The following GRID2 variants were observed in gnomAD, a reference collection of about 807,000 sequenced individuals.
The protein encoded by GRID2 is glutamate receptor ionotropic, delta-2.
Under a neutral mutation model 114.8 loss-of-function variants are expected in GRID2, and 33 were observed. The observed-to-expected ratio is 0.29, with a 90% CI of 0.22 to 0.38. The LOEUF (loss-of-function observed/expected upper bound fraction) is 0.38, where lower values mean the gene tolerates loss of function less well. Among genes scored for constraint, GRID2 ranks in the 10% least tolerant of loss-of-function variants. The probability of loss-of-function intolerance (pLI) is 1.00; values close to 1 mark genes in which losing one functional copy is unlikely to be tolerated. For missense variants in GRID2, 1,184 were observed against 1,257.7 expected (o/e 0.94, Z 0.89); for synonymous variants, 505 against 449.9 (o/e 1.12, Z -1.55).
intron 2 of GRID2, among the ~76,000 whole-genome samples, chr4:92,929,515 C>T (rs533889477): frequency 6.6e-6 from 1 of 151,340 alleles, no homozygotes; most frequent in African/African-American, 2.4e-5. Flanking sequence ...GCATTTTTCG[C>T]ACCACAGAGT....
At chr4:92,651,471 C>A (rs946355650) in intron 2 of GRID2, among the ~76,000 whole-genome samples, 4 of 152,056 alleles carry the variant, frequency 2.6e-5, no homozygotes, top group Admixed American at 1.3e-4. Context: ...GGGAAAGAGA[C>A]TGACTGGTAT....
chr4:93,507,628 A>C (rs1176766933), intron 12 of GRID2, among the ~76,000 whole-genome samples: 2 of 152,174 alleles, frequency 1.3e-5, no homozygotes, highest in East Asian at 3.9e-4. Flanking sequence ...GTTTGCTTCC[A>C]ATATTTCAGT....
intron 4 of GRID2, among the ~76,000 whole-genome samples, chr4:93,157,182 T>A (rs1029423852): frequency 1.3e-5 from 2 of 151,708 alleles, no homozygotes; most frequent in Non-Finnish European, 3.0e-5. Context: ...ACCTTAAGCC[T>A]ATCTACTCAA....
intron 1 of GRID2, among the ~76,000 whole-genome samples, chr4:92,408,382 C>T (rs1192365668): frequency 1.5e-5 from 2 of 130,704 alleles, no homozygotes; most frequent in Non-Finnish European, 3.2e-5. Context: ...AATGTGATGC[C>T]TTTGGCTTTG....
chr4:93,080,972 A>G (rs529350490), intron 2 of GRID2, among the ~76,000 whole-genome samples: 28 of 152,180 alleles, frequency 1.8e-4, no homozygotes, highest in Non-Finnish European at 3.1e-4. Flanking sequence ...TTTGATAAGG[A>G]GCCCACTCTT....
chr4:93,239,306 CAT>C (rs1214242763), intron 8 of GRID2, among the ~76,000 whole-genome samples: 1 of 149,504 alleles, frequency 6.7e-6, no homozygotes, highest in Non-Finnish European at 1.5e-5. Context: ...TATACACACA[CAT>C]ATATATATGA....
At chr4:92,794,874 TTATATATATATATATA>T (rs34559735) in intron 2 of GRID2, among the ~76,000 whole-genome samples, 5 of 106,052 alleles carry the variant, frequency 4.7e-5, no homozygotes, top group Non-Finnish European at 9.0e-5. Context: ...AATAATTGTT[TTATATATATATATATA>T]TATATATATA....
At chr4:92,865,097 C>T (rs561001932) in intron 2 of GRID2, among the ~76,000 whole-genome samples, 3 of 152,058 alleles carry the variant, frequency 2.0e-5, no homozygotes, top group East Asian at 3.9e-4. Flanking sequence ...TGTCTTAACT[C>T]GAGTGAGGTT....
intron 1 of GRID2, among the ~76,000 whole-genome samples, chr4:92,309,225 T>G (rs1184699477): frequency 1.3e-5 from 2 of 152,052 alleles, no homozygotes; most frequent in Non-Finnish European, 2.9e-5. Flanking sequence ...TTCTGATATC[T>G]CAGGCTAATT....
chr4:92,517,726 C>A (rs1724565085), intron 1 of GRID2, among the ~76,000 whole-genome samples: 1 of 151,784 alleles, frequency 6.6e-6, no homozygotes, highest in African/African-American at 2.4e-5. Flanking sequence ...TTAAAAATTT[C>A]TGGAAGTATA....
In GRID2 at chr4:93,661,593, A is replaced by T. The variant is rs147912964; in HGVS notation, c.2360+35158A>T. On this transcript the variant is annotated intron_variant, in intron 14 of 15. Transcript: ENST00000282020. ...TTAAATAAGCCTTCTATAAACAGAA[A>T]CATGCATAAAACAAGTTTACGGGTT... Among the ~76,000 whole-genome samples the T allele has an allele frequency of 3.5e-3, 532 of 152,278 alleles. 2 individuals are homozygous for T. Among genetic ancestry groups the T allele is most frequent in the African/African-American group, 0.012 (511 of 41,534 alleles).
intron 2 of GRID2, among the ~76,000 whole-genome samples, chr4:92,593,812 C>A (rs1728819567): frequency 6.7e-6 from 1 of 149,820 alleles, no homozygotes; most frequent in Non-Finnish European, 1.5e-5. Flanking sequence ...TAACTAAGGG[C>A]AAATACATTT....
Position 93,053,235 on chromosome 4 carries a change from T to C in GRID2, c.245-31760T>C, listed in dbSNP as rs142387337. Among the ~76,000 whole-genome samples, 8 of 152,072 alleles carry C rather than the reference T, an allele frequency of 5.3e-5. No homozygotes were observed. In the East Asian group the frequency reaches 9.7e-4, roughly 18 times the overall value. ...TTAATACCGGGCACCTTCCCAGATA[T>C]GTTATGTGAGAAACACTAGTGGTCA... On this transcript the variant is annotated intron_variant, in intron 2 of 15. Coordinates refer to ENST00000282020, the MANE Select transcript of GRID2 (RefSeq NM_001510.4).
rs558978818 is a variant in GRID2, at chr4:93,591,124, G to C, written c.2194-35145G>C. Among the ~76,000 whole-genome samples the C allele has an allele frequency of 1.3e-4, 19 of 144,184 alleles. 1 individual carries two copies. In the East Asian group the frequency reaches 2.3e-3, roughly 17 times the overall value. 94.6% of individuals were successfully genotyped at this position (144,184 alleles called of 152,430 possible). ...AGGAGTGGTGAGAGAGGGCATCCCT[G>C]TCTTGTGCCAGTTTTCAAAGGGAAT... On this transcript the variant is annotated intron_variant, in intron 13 of 15. Transcript: ENST00000282020.
chr4:93,328,794 G>A (rs747190565), intron 8 of GRID2, among the ~76,000 whole-genome samples: 2 of 152,012 alleles, frequency 1.3e-5, no homozygotes, highest in Non-Finnish European at 2.9e-5. Context: ...AGTAGGTTAT[G>A]TGGGAATAAT....
intron 8 of GRID2, among the ~76,000 whole-genome samples, chr4:93,351,226 G>A (rs1239002628): frequency 3.3e-5 from 5 of 152,016 alleles, no homozygotes; most frequent in Admixed American, 3.3e-4. Flanking sequence ...ATACGTACAA[G>A]TACTTCAAAC....
chr4:93,691,814 A>G (rs1194006611), intron 14 of GRID2, among the ~76,000 whole-genome samples: 10 of 151,968 alleles, frequency 6.6e-5, no homozygotes, highest in Admixed American at 4.6e-4. Context: ...ACATATATAT[A>G]GATATTTTCT....
chr4:93,455,695 A>ACTCCAGAT lies in GRID2; in HGVS notation c.1581_1588dup (p.Arg530LeufsTer61). The ACTCCAGAT allele has an allele frequency of 6.2e-7, 1 of 1,612,538 alleles. No homozygotes were observed. The highest frequency in any genetic ancestry group is 8.5e-7 in the Non-Finnish European group (1 of 1,178,924). ...CATAGGGATTTCTGCTTTAACCATC[A>ACTCCAGAT]CTCCAGATCGTGAAAATGTGGTGGA... On this transcript the variant is annotated frameshift_variant, in exon 11 of 16. Coordinates refer to ENST00000282020, the MANE Select transcript of GRID2 (RefSeq NM_001510.4). LOFTEE classifies it high-confidence loss of function.
intron 8 of GRID2, among the ~76,000 whole-genome samples, chr4:93,390,782 T>A (rs572128993): frequency 2.6e-5 from 4 of 152,226 alleles, no homozygotes; most frequent in Non-Finnish European, 4.4e-5. Context: ...CATATGTGTA[T>A]ATAGACATAT....
Sources: allele counts gnomAD v4.1 joint callset (sites outside exome capture counted in the v4.1 genomes callset), GRCh38; gene constraint gnomAD v4.1.1; transcripts MANE v1.5; gene names NCBI Gene and HGNC (gene_info 2026-07-23, HGNC 2026-07-21).